LIMS2: variants seen among roughly 807,000 people sequenced by gnomAD.
LIMS2 encodes the protein LIM and senescent cell antigen-like-containing domain protein 2.
In LIMS2, 30 loss-of-function variants were observed where a neutral mutation model predicts 45.3. That is an observed-to-expected ratio of 0.66 (90% CI 0.50 to 0.90). The LOEUF is 0.90. LIMS2 is among the 40% of genes least tolerant of loss of function. LIMS2 has a pLI of 0.00. For missense variants in LIMS2, 485 were observed against 468.7 expected, an observed-to-expected ratio of 1.03 and a Z score of -0.32; for synonymous variants, 173 against 188.0, an observed-to-expected ratio of 0.92 and a Z score of 0.65.
At chr2:127,654,144 G>T (rs183607733) in intron 4 of LIMS2, among the ~76,000 whole-genome samples, 4 of 152,272 alleles carry the variant, frequency 2.6e-5, no homozygotes, top group Admixed American at 2.6e-4. Flanking sequence ...AGGTGGACAG[G>T]TGGGGTCAGT....
At chr2:127,661,986 G>A (rs1684698158) in intron 1 of LIMS2, among the ~76,000 whole-genome samples, 2 of 152,156 alleles carry the variant, frequency 1.3e-5, no homozygotes, top group Non-Finnish European at 1.5e-5. Flanking sequence ...CTGAGTCAAG[G>A]AAGTGTGTGT....
intron 1 of LIMS2, among the ~76,000 whole-genome samples, chr2:127,666,988 C>A (rs1433075196): frequency 9.9e-5 from 15 of 152,192 alleles, no homozygotes; most frequent in Admixed American, 9.2e-4. Context: ...ACAAAGCCTA[C>A]CCAAATCACT....
intron 1 of LIMS2, chr2:127,673,729 C>T: frequency 6.4e-7 from 1 of 1,551,514 alleles, no homozygotes; most frequent in African/African-American, 1.4e-5. Context: ...TCCTGTCTCT[C>T]CCCACTTTCT....
chr2:127,677,958 G>A (rs1447829193), upstream of LIMS2, among the ~76,000 whole-genome samples: 1 of 152,144 alleles, frequency 6.6e-6, no homozygotes, highest in African/African-American at 2.4e-5. The surrounding 1 kb of genome is among the most constrained non-coding windows in gnomAD (Gnocchi z 5.0). Context: ...AGGAGTTTGG[G>A]TCACACAAGT....
At chr2:127,641,093 A>G (rs1682362702) in intron 6 of LIMS2, 105 bp from the exon 7 acceptor site, 3 of 823,944 alleles carry the variant, frequency 3.6e-6, no homozygotes, top group Admixed American at 3.9e-5. Context: ...CAGTGACTCC[A>G]GGGGACCACA....
rs1293803681 is a variant in LIMS2, at chr2:127,653,165, C to T, written c.359+1259G>A. ...GGACGCCAGGCCCCAGGCCACGTGC[C>T]TCTCTCACGGGCAGCACACGGACAA... On this transcript the variant is annotated intron_variant, in intron 4 of 9. Transcript: ENST00000355119. This position sits in a 1 kb window ranked among gnomAD's most constrained non-coding sequence, Gnocchi z 5.3. 6.6e-6 allele frequency among the ~76,000 whole-genome samples: 1 copy of T among 152,220 alleles called. No individual in the cohort carries two copies. Among genetic ancestry groups the T allele is most frequent in the African/African-American group, 2.4e-5 (1 of 41,446 alleles).
rs1296832068 is a variant in LIMS2, at chr2:127,657,514, G to A, written c.60C>T (p.Ala20=). The change falls in exon 2 of 10, where the codon GCC becomes GCT. Residue 20 remains alanine (A), a synonymous_variant. Transcript: ENST00000355119. ...LANAVCQRCQ[A]RFSPAERIVN... ...CAATGCGCTCGGCGGGGGAGAAGCG[G>A]GCCTGGCAGCGCTGGCACACGGCGT... The A allele has an allele frequency of 1.2e-6, 2 of 1,612,782 alleles. No homozygotes were observed. The highest frequency in any genetic ancestry group is 1.7e-6 in the Non-Finnish European group (2 of 1,179,594).
Position 127,653,161 on chromosome 2 carries a change from G to A in LIMS2, c.359+1263C>T, listed in dbSNP as rs528139965. On this transcript the variant is annotated intron_variant, in intron 4 of 9. Transcript: ENST00000355119. This position sits in a 1 kb window ranked among gnomAD's most constrained non-coding sequence, Gnocchi z 5.3. ...GGCCGGACGCCAGGCCCCAGGCCAC[G>A]TGCCTCTCTCACGGGCAGCACACGG... Among the ~76,000 whole-genome samples the A allele has an allele frequency of 6.6e-5, 10 of 152,324 alleles. No individual in the cohort carries two copies. The highest frequency in any genetic ancestry group is 2.4e-4 in the African/African-American group (10 of 41,574).
intron 1 of LIMS2, among the ~76,000 whole-genome samples, chr2:127,668,687 A>AAAAAAC (rs1685136431): frequency 7.7e-6 from 1 of 130,144 alleles, no homozygotes; most frequent in Non-Finnish European, 1.6e-5. Flanking sequence ...AAAAAAAAAA[A>AAAAAAC]AAAAAAAAAA....
In LIMS2 at chr2:127,639,398, G is replaced by A. The variant is rs374378217; in HGVS notation, c.909C>T (p.Pro303=). 232 of 1,613,698 alleles carry A rather than the reference G, an allele frequency of 1.4e-4. 2 individuals carry two copies. Among genetic ancestry groups the A allele is most frequent in the South Asian group, 7.4e-4 (67 of 91,082 alleles). ...KNKFVEFDMK[P]VCKRCYEKFP... ...ACTTCTCGTAGCACCTCTTACACAC[G>A]GGCTTCATGTCGAACTCCACAAACT... Residue 303 remains proline, a synonymous_variant, in exon 10 of 10, where the codon CCC becomes CCT. Transcript: ENST00000355119.
Position 127,642,850 on chromosome 2 carries a change from G to A in LIMS2, c.509+73C>T, listed in dbSNP as rs1682571978. 1.4e-6 allele frequency: 2 copies of A among 1,477,218 alleles called. No individual in the cohort carries two copies. The highest frequency in any genetic ancestry group is 2.1e-5 in the Admixed American group (1 of 48,136). The allele number at this position is 1,477,218 out of a possible 1,614,324, so 91.5% of individuals were successfully genotyped here. ...CTCCTCAACACTTCCCCAGGTGGAGGCCCCACCGCCCTTACCCTGGGCCAG... is the reference window on the plus strand; with the variant it reads ...CTCCTCAACACTTCCCCAGGTGGAGACCCCACCGCCCTTACCCTGGGCCAG... On this transcript the variant is annotated intron_variant, in intron 5 of 9. Transcript: ENST00000355119. The surrounding 1 kb of genome is among the most constrained non-coding windows in gnomAD (Gnocchi z 5.3).
chr2:127,676,482 G>T (rs186166380), upstream of LIMS2, among the ~76,000 whole-genome samples: 625 of 135,990 alleles, frequency 4.6e-3, 3 homozygotes, highest in African/African-American at 0.017. Flanking sequence ...TGCAATCTCC[G>T]CTCACTGCAA....
At position 127,671,289 on chromosome 2, in the gene LIMS2, C is replaced by T. The variant is rs987679736; in HGVS notation, c.11+3725G>A. ...CAATAAAAATACAAAAAAAATTAGCCGGTTGTGGTGGTATGCACCTGTAGT... is the reference window on the plus strand; with the variant it reads ...CAATAAAAATACAAAAAAAATTAGCTGGTTGTGGTGGTATGCACCTGTAGT... On this transcript the variant is annotated intron_variant, in intron 1 of 9. Transcript: ENST00000355119. This position sits in a 1 kb window ranked among gnomAD's most constrained non-coding sequence, Gnocchi z 4.1. Among the ~76,000 whole-genome samples, 1 of 152,070 alleles carries T rather than the reference C, an allele frequency of 6.6e-6. No homozygotes were observed. The highest frequency in any genetic ancestry group is 6.5e-5 in the Admixed American group (1 of 15,268).
At chr2:127,641,494 A>G (rs1682401112) in intron 6 of LIMS2, 1 of 172,132 alleles carries the variant, frequency 5.8e-6, no homozygotes, top group Non-Finnish European at 1.3e-5. Flanking sequence ...TGGGGCCTGC[A>G]TCAGGGCAGG....
At chr2:127,662,263 T>C (rs878926599) in intron 1 of LIMS2, among the ~76,000 whole-genome samples, 1 of 152,124 alleles carries the variant, frequency 6.6e-6, no homozygotes, top group Non-Finnish European at 1.5e-5. Flanking sequence ...AGTGAGGCCA[T>C]TCCTGCAAGC....
Position 127,642,087 on chromosome 2 carries a change from G to A in LIMS2, c.622C>T (p.Arg208Ter), listed in dbSNP as rs146150045. Residue 208 changes from arginine (R) to a stop codon, truncating the protein, a stop_gained, in exon 6 of 10, where the codon CGA (arginine) becomes TGA (stop). Coordinates refer to ENST00000355119, the MANE Select transcript of LIMS2 (RefSeq NM_001161403.3). LOFTEE classifies it high-confidence loss of function. This position sits in a 1 kb window ranked among gnomAD's most constrained non-coding sequence, Gnocchi z 5.3. ...CGACRRPIEG[R>*]VVNALGKQWH... ...TGCTTGCCCAGCGCGTTGACCACTC[G>A]GCCCTCGATGGGCCGGCGGCAGGCC... is the stretch of plus-strand genomic sequence containing the variant. 1.1e-5 allele frequency: 18 copies of A among 1,610,008 alleles called. No homozygotes were observed. The highest frequency in any genetic ancestry group is 6.7e-5 in the African/African-American group (5 of 74,876).
intron 4 of LIMS2, chr2:127,651,567 G>A: frequency 1.2e-6 from 2 of 1,612,620 alleles, no homozygotes; most frequent in East Asian, 2.2e-5. Flanking sequence ...CCTGGCCCTG[G>A]CAAACCGCAT....
chr2:127,650,775 A>G, intron 4 of LIMS2: 1 of 1,613,796 alleles, frequency 6.2e-7, no homozygotes, highest in Non-Finnish European at 8.5e-7. Context: ...TCTGATCACC[A>G]ACTTCTCCCT....
chr2:127,661,566 A>T (rs1300211724), intron 1 of LIMS2, among the ~76,000 whole-genome samples: 1 of 152,134 alleles, frequency 6.6e-6, no homozygotes, highest in African/African-American at 2.4e-5. Context: ...CCCCCAGGAG[A>T]CACCACTACC....
Sources: gnomAD v4.1 joint callset for allele counts (sites outside exome capture counted in the v4.1 genomes callset) on GRCh38, gnomAD v4.1.1 for gene constraint, Gnocchi (gnomAD v3.1) non-coding constraint, MANE v1.5 for transcripts, NCBI Gene and HGNC (gene_info 2026-07-23, HGNC 2026-07-21) for gene names.